The following GARRE1 variants were observed in gnomAD, a reference collection of about 807,000 sequenced individuals.
GARRE1 encodes the protein granule associated Rac and RHOG effector 1, also known as granule associated Rac and RHOG effector protein 1.
In GARRE1, 49 loss-of-function variants were observed where a neutral mutation model predicts 103.2. The ratio of observed to expected loss-of-function variants is 0.47; its 90% confidence interval spans 0.38 to 0.60. The LOEUF (loss-of-function observed/expected upper bound fraction) is 0.60, where lower values mean the gene tolerates loss of function less well. Among genes scored for constraint, GARRE1 ranks in the 20% least tolerant of loss-of-function variants. The pLI, the probability that GARRE1 is intolerant of heterozygous loss-of-function variation, is 0.00. For synonymous variants in GARRE1, 505 were observed against 532.8 expected, an observed-to-expected ratio of 0.95 and a Z score of 0.72; for missense variants, 1,199 against 1,370.5, an observed-to-expected ratio of 0.87 and a Z score of 1.98.
intron 13 of GARRE1, 111 bp downstream of exon 13, chr19:34,351,703 A>T (rs1294367885): frequency 1.4e-5 from 11 of 765,100 alleles, no homozygotes; most frequent in Admixed American, 1.2e-4. Flanking sequence ...ATTTTGTGTA[A>T]ATGATTAGCC....
chr19:34,276,235 G>A (rs1278166979), intron 1 of GARRE1, among the ~76,000 whole-genome samples: 1 of 152,084 alleles, frequency 6.6e-6, no homozygotes, highest in African/African-American at 2.4e-5. Flanking sequence ...TAGAGATGGG[G>A]TTTCGCCATG....
chr19:34,334,218 C>T (rs2074150540), intron 8 of GARRE1, among the ~76,000 whole-genome samples: 1 of 152,252 alleles, frequency 6.6e-6, no homozygotes, highest in African/African-American at 2.4e-5. Context: ...TGTTGTGACA[C>T]ACCCAGTGTC....
rs763836426 is a variant in GARRE1 at position 34,342,089 on chromosome 19, C to T, written c.2155C>T (p.Pro719Ser). The change falls in exon 10 of 14, where the codon CCT becomes TCT. Residue 719 changes from proline to serine, a missense_variant. By Grantham distance (74) the Pro-to-Ser change is moderately conservative (BLOSUM62 -1). Transcript: ENST00000299505. The stretch of plus-strand genomic sequence containing the variant: ...TCTGACACCCCAGCCGGGACTGGCA[C>T]CTCAGCAGCAGTCCCCAAAGCAGCA... ...TPLTPQPGLAPQQQSPKQQQP... is the reference protein window; with the variant it reads ...TPLTPQPGLASQQQSPKQQQP... 6.2e-7 allele frequency: 1 copy of T among 1,614,128 alleles called. No individual in the cohort carries two copies. Among genetic ancestry groups the T allele is most frequent in the East Asian group, 2.2e-5 (1 of 44,880 alleles).
intron 1 of GARRE1, among the ~76,000 whole-genome samples, chr19:34,284,460 A>G (rs1440720218): frequency 6.6e-6 from 1 of 152,202 alleles, no homozygotes; most frequent in Non-Finnish European, 1.5e-5. Context: ...TATTGCCTGA[A>G]ATAGAAATCG....
chr19:34,298,168 C>T (rs1394463341), intron 1 of GARRE1, among the ~76,000 whole-genome samples: 1 of 152,180 alleles, frequency 6.6e-6, no homozygotes, highest in Non-Finnish European at 1.5e-5. Context: ...CCTGTAATCT[C>T]AGCATTTTGG....
intron 1 of GARRE1, among the ~76,000 whole-genome samples, chr19:34,270,519 G>A: frequency 6.6e-6 from 1 of 152,154 alleles, no homozygotes; most frequent in East Asian, 1.9e-4. Context: ...GTGGATTCTG[G>A]TTACTCTCTA....
chr19:34,334,766 A>G (rs936499302), intron 8 of GARRE1, among the ~76,000 whole-genome samples: 8 of 150,384 alleles, frequency 5.3e-5, no homozygotes, highest in Non-Finnish European at 8.9e-5. Context: ...TAAAGAAACC[A>G]TATGGGGCCA....
chr19:34,298,641 C>T (rs964827258), intron 1 of GARRE1, among the ~76,000 whole-genome samples: 1 of 150,676 alleles, frequency 6.6e-6, no homozygotes. Flanking sequence ...ACCTGGGAGG[C>T]GGAGGTTGTG....
chr19:34,266,183 G>A lies in GARRE1; in HGVS notation c.-796+11569G>A, dbSNP rs565186614. 1.3e-3 allele frequency among the ~76,000 whole-genome samples: 194 copies of A among 152,348 alleles called. 1 individual carries two copies. Among genetic ancestry groups the A allele is most frequent in the Middle Eastern group, 3.4e-3 (1 of 294 alleles). On this transcript the variant is annotated intron_variant, in intron 1 of 13. Transcript: ENST00000299505. ...GTTTGAGTATGTGAAGGCTCATGGC[G>A]CAGATAAGTGGCAGAGCCAGAAGCC...
At chr19:34,329,467 G>A (rs185219901) in intron 6 of GARRE1, among the ~76,000 whole-genome samples, 1 of 152,250 alleles carries the variant, frequency 6.6e-6, no homozygotes, top group East Asian at 1.9e-4. Flanking sequence ...ACTCTATGGG[G>A]CTGAGAAAAT....
intron 1 of GARRE1, among the ~76,000 whole-genome samples, chr19:34,282,466 A>T (rs1452110902): frequency 6.6e-6 from 1 of 152,200 alleles, no homozygotes; most frequent in Non-Finnish European, 1.5e-5. Context: ...TTAAGGATGC[A>T]CTATCTTTCC....
At chr19:34,319,454 C>T (rs1373024482) in intron 2 of GARRE1, among the ~76,000 whole-genome samples, 1 of 152,184 alleles carries the variant, frequency 6.6e-6, no homozygotes, top group East Asian at 1.9e-4. Flanking sequence ...TATTTGGATT[C>T]CATTTTCAAC....
rs1406752269 is a variant in GARRE1 at position 34,353,934 on chromosome 19, AT to A, written c.*980del. The A allele has an allele frequency of 3.9e-5, 6 of 152,570 alleles. No homozygotes were observed. The highest frequency in any genetic ancestry group is 1.5e-5 in the Non-Finnish European group (1 of 68,024). 9.5% of individuals were successfully genotyped at this position (152,570 alleles called of 1,614,324 possible). Reference sequence around the variant, plus strand: ...TTTAAGGTCTTTTCTTAAAAAAAAAATCCACCTCATTTTCAGTTAACATGTG... The same window carrying A: ...TTTAAGGTCTTTTCTTAAAAAAAAAACCACCTCATTTTCAGTTAACATGTG... On this transcript the variant is annotated 3_prime_UTR_variant, in exon 14 of 14. Coordinates refer to ENST00000299505, the MANE Select transcript of GARRE1 (RefSeq NM_014686.5).
At chr19:34,304,374 ATT>A (rs1227745814) in intron 2 of GARRE1, among the ~76,000 whole-genome samples, 18 of 113,628 alleles carry the variant, frequency 1.6e-4, no homozygotes, top group African/African-American at 1.7e-4. Flanking sequence ...CATCTTTGTA[ATT>A]TTTTTTTTTT....
chr19:34,268,797 AAAAGAAG>A (rs549362896), intron 1 of GARRE1, among the ~76,000 whole-genome samples: 140 of 152,326 alleles, frequency 9.2e-4, no homozygotes, highest in African/African-American at 3.2e-3. Context: ...TCCGTCTCTT[AAAAGAAG>A]AAAGAAAAAA....
Position 34,328,091 on chromosome 19 carries a change from G to T in GARRE1, c.1044G>T (p.Ser348=). The T allele has an allele frequency of 6.2e-7, 1 of 1,614,162 alleles. No homozygotes were observed. The highest frequency in any genetic ancestry group is 1.3e-5 in the African/African-American group (1 of 75,058). The part of the protein sequence containing the change: ...ELPTVPVQIG[S]HFLKGVSFNE... ...CCACCGTCCCTGTGCAGATAGGATC[G>T]CACTTCCTGAAGGGCGTCTCCTTTA... The change falls in exon 6 of 14, where the codon TCG becomes TCT. Residue 348 remains serine, a synonymous_variant. Coordinates refer to ENST00000299505, the MANE Select transcript of GARRE1 (RefSeq NM_014686.5).
At chr19:34,255,848 A>T (rs185957182) in intron 1 of GARRE1, among the ~76,000 whole-genome samples, 1 of 124,352 alleles carries the variant, frequency 8.0e-6, no homozygotes, top group East Asian at 2.0e-4. Flanking sequence ...AGGTAACTTT[A>T]TTTGTTTTTT....
intron 7 of GARRE1, among the ~76,000 whole-genome samples, chr19:34,330,901 A>T (rs1296823125): frequency 4.3e-5 from 6 of 138,426 alleles, no homozygotes; most frequent in African/African-American, 1.6e-4. Flanking sequence ...CATCTGGCTA[A>T]TTTTTTTTTT....
At chr19:34,348,073 C>T (rs2145285818) in intron 11 of GARRE1, 31 bp downstream of exon 11, 1 of 1,389,260 alleles carries the variant, frequency 7.2e-7, no homozygotes, top group South Asian at 1.8e-5. Flanking sequence ...GGAATCTGAG[C>T]TTGAGACCCA....
Sources: gnomAD v4.1 joint callset for allele counts (sites outside exome capture counted in the v4.1 genomes callset) on GRCh38, gnomAD v4.1.1 for gene constraint, MANE v1.5 for transcripts, NCBI Gene and HGNC (gene_info 2026-07-23, HGNC 2026-07-21) for gene names.